DSG4: variants seen among roughly 807,000 people sequenced by gnomAD.
DSG4 encodes the protein desmoglein-4.
In DSG4, 87 loss-of-function variants were observed where a neutral mutation model predicts 93.1. That is an observed-to-expected ratio of 0.93 (90% CI 0.79 to 1.12). The LOEUF (loss-of-function observed/expected upper bound fraction) is 1.12, where lower values mean the gene tolerates loss of function less well. Ranked by LOEUF, DSG4 falls within the 50% of genes most tolerant of loss-of-function variation. The pLI is 0.00. For synonymous variants in DSG4, 432 were observed against 452.9 expected (o/e 0.95, Z 0.59); for missense variants, 1,373 against 1,285.7 (o/e 1.07, Z -1.04).
At chr18:31,385,407 T>C (rs2072177057) in intron 2 of DSG4, among the ~76,000 whole-genome samples, 1 of 152,182 alleles carries the variant, frequency 6.6e-6, no homozygotes, top group African/African-American at 2.4e-5. Flanking sequence ...TATCAAACTA[T>C]ATGAGTAGTT....
chr18:31,385,113 TGTG>T lies in DSG4; in HGVS notation c.49-20_49-18del, dbSNP rs1598735856. 3 of 1,596,414 alleles carry T rather than the reference TGTG, an allele frequency of 1.9e-6. No homozygotes were observed. The highest frequency in any genetic ancestry group is 1.3e-5 in the African/African-American group (1 of 74,728). On this transcript the variant is annotated intron_variant, in intron 1 of 15. Coordinates refer to ENST00000308128, the MANE Select transcript of DSG4 (RefSeq NM_177986.5). Reference sequence around the variant, plus strand: ...TCTAAATTATGCAAATTTATGCTAATGTGGTATCTTCTATCAAAACAGGTGGTG... The same window carrying T: ...TCTAAATTATGCAAATTTATGCTAATGTATCTTCTATCAAAACAGGTGGTG...
In DSG4 at chr18:31,390,647, T is replaced by A. The variant is rs1472479965; in HGVS notation, c.518-9T>A. 1 of 1,613,208 alleles carries A rather than the reference T, an allele frequency of 6.2e-7. No individual in the cohort carries two copies. The highest frequency in any genetic ancestry group is 1.3e-5 in the African/African-American group (1 of 74,870). On this transcript the variant is annotated splice_polypyrimidine_tract_variant and intron_variant, in intron 5 of 15. Transcript: ENST00000308128. ...CCCAACCATTCTCCACCTCCATTTC[T>A]ATTTCTAGATACATTGGTAGTAAAG...
At chr18:31,401,240 A>G (rs956712060) in intron 10 of DSG4, among the ~76,000 whole-genome samples, 7 of 152,200 alleles carry the variant, frequency 4.6e-5, no homozygotes, top group Non-Finnish European at 8.8e-5. Context: ...ACTGAGTTGT[A>G]TATGGCTTAC....
chr18:31,386,648 G>C (rs1228110351), intron 2 of DSG4, 40 bp from the exon 3 acceptor site: 1 of 1,610,868 alleles, frequency 6.2e-7, no homozygotes, highest in Non-Finnish European at 8.5e-7. Context: ...AAGTAAAATT[G>C]TTCTCACACT....
rs1397992747 is a variant in DSG4, at chr18:31,413,239, A to G, written c.2767A>G (p.Ile923Val). Residue 923 changes from isoleucine (I) to valine (V), a missense_variant, in exon 16 of 16, where the codon ATT becomes GTT. Physicochemically the swap from Ile to Val is conservative, Grantham distance 29 (BLOSUM62 3). Transcript: ENST00000308128. ...NADPCVQPTT[I>V]IFDPQLAPNV... ...TGATCCATGTGTGCAACCCACTACA[A>G]TTATTTTTGATCCTCAGCTTGCACC... The G allele has an allele frequency of 1.9e-6, 3 of 1,614,134 alleles. No homozygotes were observed. The highest frequency in any genetic ancestry group is 1.7e-5 in the Admixed American group (1 of 60,014).
intron 8 of DSG4, 109 bp from the exon 9 acceptor site, chr18:31,399,162 CG>C: frequency 7.2e-7 from 1 of 1,385,828 alleles, no homozygotes; most frequent in Non-Finnish European, 1.0e-6. Context: ...ATCTAAACAG[CG>C]TATCTCCTGG....
intron 7 of DSG4, among the ~76,000 whole-genome samples, chr18:31,391,798 C>T (rs2072252923): frequency 6.6e-6 from 1 of 151,904 alleles, no homozygotes; most frequent in South Asian, 2.1e-4. Context: ...AATTCTCTGG[C>T]CCACAATATC....
intron 1 of DSG4, among the ~76,000 whole-genome samples, chr18:31,384,077 T>G (rs895915262): frequency 1.3e-5 from 2 of 152,164 alleles, no homozygotes; most frequent in Non-Finnish European, 2.9e-5. Context: ...ATGAACAAGT[T>G]TTCCCAGTAC....
rs753294135 is a variant in DSG4 at position 31,388,425 on chromosome 18, T to C, written c.275T>C (p.Ile92Thr). The C allele has an allele frequency of 9.9e-6, 16 of 1,613,588 alleles. No homozygotes were observed. Among genetic ancestry groups the C allele is most frequent in the Non-Finnish European group, 1.4e-5 (16 of 1,179,650 alleles). ...KITYRISGVG[I>T]DRPPYGVFTI... ...ACATACCGGATTTCTGGAGTAGGGA[T>C]TGATCGACCACCATATGGGGTATTC... The change falls in exon 4 of 16, where the codon ATT (isoleucine) becomes ACT (threonine). Residue 92 changes from isoleucine to threonine, a missense_variant. Transcript: ENST00000308128.
intron 8 of DSG4, among the ~76,000 whole-genome samples, chr18:31,397,624 T>C (rs2072319490): frequency 6.6e-6 from 1 of 152,210 alleles, no homozygotes; most frequent in Non-Finnish European, 1.5e-5. Flanking sequence ...CATGTTGGTA[T>C]ATTTTCATCA....
rs2144204405 is a variant in DSG4, at chr18:31,403,626, C to T, written c.1628C>T (p.Ser543Leu). 1 of 1,613,870 alleles carries T rather than the reference C, an allele frequency of 6.2e-7. No homozygotes were observed. The highest frequency in any genetic ancestry group is 8.5e-7 in the Non-Finnish European group (1 of 1,179,866). ...PGIADMWDVR[S>L]TNATSAILTA... Reference sequence around the variant, plus strand: ...ATAGCTGACATGTGGGATGTCAGATCAACAAATGGTAAGTGAAACGTAAGC... The same window carrying T: ...ATAGCTGACATGTGGGATGTCAGATTAACAAATGGTAAGTGAAACGTAAGC... The change falls in exon 11 of 16, where the codon TCA becomes TTA. Residue 543 changes from serine (S) to leucine (L), a missense_variant. By Grantham distance (145) the Ser-to-Leu change is moderately radical. Coordinates refer to ENST00000308128, the MANE Select transcript of DSG4 (RefSeq NM_177986.5).
At chr18:31,411,599 A>G in intron 15 of DSG4, 151 bp downstream of exon 15, 1 of 1,028,682 alleles carries the variant, frequency 9.7e-7, no homozygotes, top group South Asian at 1.4e-5. Flanking sequence ...CGTCTCCTTA[A>G]AACACAAAAT....
intron 7 of DSG4, 41 bp from the exon 8 acceptor site, chr18:31,392,114 T>C (rs2072256194): frequency 1.3e-6 from 2 of 1,596,910 alleles, no homozygotes; most frequent in African/African-American, 1.3e-5. Context: ...GTTTCTTCTT[T>C]TGAAAATTCA....
intron 15 of DSG4, among the ~76,000 whole-genome samples, chr18:31,412,336 T>C (rs1160315715): frequency 6.6e-6 from 1 of 152,050 alleles, no homozygotes; most frequent in Non-Finnish European, 1.5e-5. Flanking sequence ...CTCATGGAGA[T>C]AGAGAGTAGA....
At position 31,412,896 on chromosome 18, in the gene DSG4, C is replaced by A. The variant is rs778339392; in HGVS notation, c.2424C>A (p.His808Gln). ...ATGACTGCTTGCTCATTTATGACCA[C>A]GAGGGAGTCGGGTCTCCCGTAGGCT... is the stretch of plus-strand genomic sequence containing the variant. ...PANDCLLIYDHEGVGSPVGSI... is the reference protein window; with the variant it reads ...PANDCLLIYDQEGVGSPVGSI... The change falls in exon 16 of 16, where the codon CAC becomes CAA. Residue 808 changes from histidine (H) to glutamine (Q), a missense_variant. Transcript: ENST00000308128. The A allele has an allele frequency of 4.3e-6, 7 of 1,614,038 alleles. No homozygotes were observed. The African/African-American group carries it at 9.3e-5, about 22-fold the overall frequency.
intron 8 of DSG4, 115 bp downstream of exon 8, chr18:31,392,455 A>C: frequency 8.7e-7 from 1 of 1,143,180 alleles, no homozygotes; most frequent in Non-Finnish European, 1.3e-6. Context: ...AACTTTGAAT[A>C]TTGTTTATAT....
At chr18:31,384,586 C>T (rs2072167672) in intron 1 of DSG4, among the ~76,000 whole-genome samples, 1 of 152,186 alleles carries the variant, frequency 6.6e-6, no homozygotes, top group Non-Finnish European at 1.5e-5. Flanking sequence ...TGACAAAGAA[C>T]TTATTCATCT....
rs150706241 is a variant in DSG4, at chr18:31,413,249, A to G, written c.2777A>G (p.Asp926Gly). 2,702 of 1,614,044 alleles carry G rather than the reference A, an allele frequency of 1.7e-3. 4 individuals are homozygous for G. The highest frequency in any genetic ancestry group is 1.9e-3 in the Non-Finnish European group (2,206 of 1,180,038). ...GTGCAACCCACTACAATTATTTTTG[A>G]TCCTCAGCTTGCACCCAATGTTGTA... ...PCVQPTTIIF[D>G]PQLAPNVVVT... The change falls in exon 16 of 16, where the codon GAT becomes GGT. Residue 926 changes from aspartate (D) to glycine (G), a missense_variant. Transcript: ENST00000308128.
At chr18:31,410,364 T>C (rs1230886917) in intron 14 of DSG4, among the ~76,000 whole-genome samples, 2 of 151,468 alleles carry the variant, frequency 1.3e-5, no homozygotes, top group Non-Finnish European at 2.9e-5. Context: ...ATACATATAT[T>C]GTATAGATTA....
Sources: allele counts gnomAD v4.1 joint callset (sites outside exome capture counted in the v4.1 genomes callset), GRCh38; gene constraint gnomAD v4.1.1; transcripts MANE v1.5; gene names NCBI Gene and HGNC (gene_info 2026-07-23, HGNC 2026-07-21).